Variants in SH3BP5 observed in about 807,000 individuals in gnomAD.
SH3BP5 encodes SH3 domain binding protein 5.
SH3BP5 carries 22 observed loss-of-function variants against 43.3 expected under a neutral mutation model. The ratio of observed to expected loss-of-function variants is 0.51; its 90% CI spans 0.36 to 0.73. The LOEUF (loss-of-function observed/expected upper bound fraction) is 0.73, where lower values mean the gene tolerates loss of function less well. SH3BP5 is among the 30% of genes least tolerant of loss of function. The probability of loss-of-function intolerance (pLI) is 0.00; values close to 1 mark genes in which losing one functional copy is unlikely to be tolerated. For missense variants in SH3BP5, 529 were observed against 586.9 expected, an observed-to-expected ratio of 0.90 and a Z score of 1.02; for synonymous variants, 255 against 225.8, an observed-to-expected ratio of 1.13 and a Z score of -1.16.
intron 4 of SH3BP5, 110 bp downstream of exon 4, chr3:15,269,603 G>T: frequency 8.5e-7 from 1 of 1,182,322 alleles, no homozygotes; most frequent in Non-Finnish European, 1.2e-6. Flanking sequence ...GTGATTTTCA[G>T]GGTGTTTTCA....
At position 15,332,527 on chromosome 3, in the gene SH3BP5, G is replaced by T. The variant is rs968856511; in HGVS notation, c.-119C>A. On this transcript the variant is annotated 5_prime_UTR_variant, in exon 1 of 9. Transcript: ENST00000383791. ...CGGGCACGGTCGGGGAGCCGCCGGGGCCGACACCCGGGAGACGCAGCTCGC... is the reference window on the plus strand; with the variant it reads ...CGGGCACGGTCGGGGAGCCGCCGGGTCCGACACCCGGGAGACGCAGCTCGC... 2 of 1,250,332 alleles carry T rather than the reference G, an allele frequency of 1.6e-6. No homozygotes were observed. The highest frequency in any genetic ancestry group is 3.1e-5 in the African/African-American group (2 of 63,706). The allele number at this position is 1,250,332 out of a possible 1,614,324, so 77.5% of individuals were successfully genotyped here.
intron 7 of SH3BP5, among the ~76,000 whole-genome samples, chr3:15,258,354 G>A (rs1031380713): frequency 6.6e-6 from 1 of 152,082 alleles, no homozygotes; most frequent in Non-Finnish European, 1.5e-5. Flanking sequence ...CTTCTTGGGT[G>A]TCAGGGGTTG....
At chr3:15,300,505 G>T (rs1358812778) in intron 3 of SH3BP5, among the ~76,000 whole-genome samples, 1 of 13,730 alleles carries the variant, frequency 7.3e-5, no homozygotes, top group Non-Finnish European at 2.6e-4. Flanking sequence ...AGGAAGCGGG[G>T]GCGGGGGGAC....
At chr3:15,329,002 T>C (rs1286574942) in intron 2 of SH3BP5, among the ~76,000 whole-genome samples, 2 of 152,066 alleles carry the variant, frequency 1.3e-5, no homozygotes, top group African/African-American at 4.8e-5. Flanking sequence ...TTAAACTCAT[T>C]AGCCAGGCAT....
chr3:15,260,906 G>C (rs1295354452), intron 5 of SH3BP5, among the ~76,000 whole-genome samples: 1 of 152,236 alleles, frequency 6.6e-6, no homozygotes, highest in Admixed American at 6.5e-5. Context: ...ACAATCACAA[G>C]ATTTATTTTC....
chr3:15,274,044 G>A (rs967701544), intron 3 of SH3BP5, among the ~76,000 whole-genome samples: 4 of 152,134 alleles, frequency 2.6e-5, no homozygotes, highest in African/African-American at 9.7e-5. Context: ...AGGAATTCAA[G>A]ACTAGCCTGC....
chr3:15,336,922 C>G (rs980010263), upstream of SH3BP5, among the ~76,000 whole-genome samples: 1 of 152,118 alleles, frequency 6.6e-6, no homozygotes, highest in South Asian at 2.1e-4. Context: ...AACTCCCTCA[C>G]GCTTCTCCCC....
chr3:15,263,461 A>G (rs1402595789), intron 4 of SH3BP5, among the ~76,000 whole-genome samples: 1 of 152,256 alleles, frequency 6.6e-6, no homozygotes, highest in Non-Finnish European at 1.5e-5. Flanking sequence ...AGAAGAACTC[A>G]GGATCCAGAA....
intron 2 of SH3BP5, among the ~76,000 whole-genome samples, chr3:15,322,434 T>A (rs1698353651): frequency 6.6e-6 from 1 of 152,184 alleles, no homozygotes; most frequent in African/African-American, 2.4e-5. Flanking sequence ...GAATCTTACA[T>A]GTTCATGAGC....
At chr3:15,335,763 G>A (rs1462378340), upstream of SH3BP5, among the ~76,000 whole-genome samples, 2 of 152,128 alleles carry the variant, frequency 1.3e-5, no homozygotes, top group Non-Finnish European at 2.9e-5. Flanking sequence ...TGGCACATAT[G>A]TAGTGCACAT....
rs141954467 is a variant in SH3BP5 at position 15,257,876 on chromosome 3, A to G, written c.890-763T>C. The stretch of plus-strand genomic sequence containing the variant: ...TTTAAAAACAGCCTTGTAGCATTCC[A>G]TAAAGGTTTCTTATAAATGATAAAT... On this transcript the variant is annotated intron_variant, in intron 7 of 8. Transcript: ENST00000383791. Among the ~76,000 whole-genome samples the G allele has an allele frequency of 1.6e-4, 25 of 152,196 alleles. 1 individual carries two copies. Among genetic ancestry groups the G allele is most frequent in the African/African-American group, 5.5e-4 (23 of 41,514 alleles).
At position 15,256,849 on chromosome 3, in the gene SH3BP5, TC is replaced by T; in HGVS notation, c.1150+3del. The T allele has an allele frequency of 6.2e-7, 1 of 1,603,784 alleles. No homozygotes were observed. The highest frequency in any genetic ancestry group is 8.5e-7 in the Non-Finnish European group (1 of 1,172,288). The stretch of plus-strand genomic sequence containing the variant: ...TGGGACGGGGTGAGAAGGCTGCTAC[TC>T]ACCTCGTTCTACTTCACATTCAGGG... On this transcript the variant is annotated splice_donor_region_variant and intron_variant, in intron 8 of 8. Transcript: ENST00000383791.
At chr3:15,323,371 G>A (rs1698384787) in intron 2 of SH3BP5, among the ~76,000 whole-genome samples, 1 of 152,136 alleles carries the variant, frequency 6.6e-6, no homozygotes, top group African/African-American at 2.4e-5. Context: ...CCACTGCCAG[G>A]CCCCATGGCC....
At chr3:15,325,590 T>G (rs1267348347) in intron 2 of SH3BP5, among the ~76,000 whole-genome samples, 1 of 152,222 alleles carries the variant, frequency 6.6e-6, no homozygotes, top group Non-Finnish European at 1.5e-5. Flanking sequence ...TATTTTAACT[T>G]TTTATTGCGT....
intron 2 of SH3BP5, among the ~76,000 whole-genome samples, chr3:15,325,510 A>G (rs1167918222): frequency 1.3e-5 from 2 of 152,186 alleles, no homozygotes; most frequent in South Asian, 2.1e-4. Flanking sequence ...CCTTGCCTCC[A>G]AACACCCACC....
chr3:15,301,754 G>A (rs1469202817), intron 3 of SH3BP5, among the ~76,000 whole-genome samples: 2 of 152,088 alleles, frequency 1.3e-5, no homozygotes, highest in East Asian at 1.9e-4. Flanking sequence ...GCAGGAGCAC[G>A]TTTCACATCA....
At chr3:15,316,302 G>A (rs1413983952) in intron 2 of SH3BP5, among the ~76,000 whole-genome samples, 1 of 131,590 alleles carries the variant, frequency 7.6e-6, no homozygotes, top group East Asian at 2.4e-4. Context: ...TTGGCTCACT[G>A]CAACCTCCGC....
rs556774447 is a variant in SH3BP5, at chr3:15,280,168, C to T, written c.331-10291G>A. Among the ~76,000 whole-genome samples, 5 of 152,278 alleles carry T rather than the reference C, an allele frequency of 3.3e-5. No individual in the cohort carries two copies. In the East Asian group the frequency reaches 9.7e-4, roughly 29 times the overall value. On this transcript the variant is annotated intron_variant, in intron 3 of 8. Transcript: ENST00000383791. ...ACACACAGCAGGCCTCCGGGAACGA[C>T]GCATCCCAAATCAAATCCTTCCTGT...
At chr3:15,320,642 C>CACACACACA (rs1553619765) in intron 2 of SH3BP5, among the ~76,000 whole-genome samples, 10 of 25,788 alleles carry the variant, frequency 3.9e-4, no homozygotes, top group Middle Eastern at 0.062. Context: ...ACACACACAC[C>CACACACACA]CCACTACGTT....
Sources: gnomAD v4.1 joint callset for allele counts (sites outside exome capture counted in the v4.1 genomes callset) on GRCh38, gnomAD v4.1.1 for gene constraint, MANE v1.5 for transcripts, NCBI Gene and HGNC (gene_info 2026-07-23, HGNC 2026-07-21) for gene names.